The following CPEB3 variants were observed in gnomAD, a reference collection of about 807,000 sequenced individuals.
CPEB3 encodes cytoplasmic polyadenylation element binding protein 3, also known as cytoplasmic polyadenylation element-binding protein 3.
Under a neutral mutation model 67.2 loss-of-function variants are expected in CPEB3, and 20 were observed. The observed-to-expected ratio is 0.30, with a 90% CI of 0.21 to 0.43. The LOEUF is 0.43. Ranked by LOEUF, CPEB3 falls within the 20% of genes least tolerant of loss-of-function variation. The pLI is 1.00. For synonymous variants in CPEB3, 376 were observed against 393.1 expected (o/e 0.96, Z 0.51); for missense variants, 746 against 968.6 (o/e 0.77, Z 3.05).
chr10:92,090,278 C>T (rs145495418), intron 8 of CPEB3, among the ~76,000 whole-genome samples: 4 of 152,294 alleles, frequency 2.6e-5, no homozygotes, highest in East Asian at 3.9e-4. Context: ...TGGTGGCTCA[C>T]GCCTGTAATC....
chr10:92,254,022 A>G (rs1248169458), intron 1 of CPEB3, among the ~76,000 whole-genome samples: 1 of 152,168 alleles, frequency 6.6e-6, no homozygotes, highest in Non-Finnish European at 1.5e-5. Context: ...TGAGCCCAAG[A>G]GTTTGAGACC....
intron 6 of CPEB3, among the ~76,000 whole-genome samples, chr10:92,124,144 C>T (rs530842145): frequency 6.6e-6 from 1 of 152,182 alleles, no homozygotes. Flanking sequence ...CTGAACTAAA[C>T]AAGCATTTCC....
At chr10:92,268,104 G>T (rs147381763) in intron 1 of CPEB3, among the ~76,000 whole-genome samples, 1 of 152,006 alleles carries the variant, frequency 6.6e-6, no homozygotes, top group African/African-American at 2.4e-5. Context: ...GCCAGCCACC[G>T]CGACCGGCCG....
At chr10:92,193,871 A>G (rs1486249564) in intron 2 of CPEB3, among the ~76,000 whole-genome samples, 2 of 149,540 alleles carry the variant, frequency 1.3e-5, no homozygotes, top group South Asian at 2.1e-4. Context: ...ATCTTGGCTC[A>G]CTGCAAGCTC....
chr10:92,095,686 T>G (rs1342105902), intron 7 of CPEB3, among the ~76,000 whole-genome samples: 1 of 150,136 alleles, frequency 6.7e-6, no homozygotes, highest in Non-Finnish European at 1.5e-5. Context: ...ATAAGCTAAT[T>G]CAAATATTTT....
At chr10:92,205,588 T>G (rs1388103553) in intron 2 of CPEB3, among the ~76,000 whole-genome samples, 1 of 148,862 alleles carries the variant, frequency 6.7e-6, no homozygotes, top group South Asian at 2.2e-4. Flanking sequence ...GCAATTCTCC[T>G]GCCTCAGCCT....
intron 6 of CPEB3, among the ~76,000 whole-genome samples, chr10:92,134,129 C>G (rs1845975410): frequency 6.6e-6 from 1 of 152,208 alleles, no homozygotes; most frequent in Non-Finnish European, 1.5e-5. Context: ...CCCTCTCTCA[C>G]CACTCCTATT....
At chr10:92,209,217 G>C (rs1849947425) in intron 2 of CPEB3, among the ~76,000 whole-genome samples, 1 of 152,156 alleles carries the variant, frequency 6.6e-6, no homozygotes, top group Non-Finnish European at 1.5e-5. Flanking sequence ...AATTCTGACT[G>C]AACCGTCTTA....
intron 9 of CPEB3, among the ~76,000 whole-genome samples, chr10:92,073,685 C>A (rs1842839867): frequency 6.6e-6 from 1 of 151,476 alleles, no homozygotes; most frequent in Admixed American, 6.6e-5. Context: ...TGGCCTCAAG[C>A]TGAACTCCTG....
intron 7 of CPEB3, among the ~76,000 whole-genome samples, chr10:92,104,115 T>C (rs949795863): frequency 1.3e-5 from 2 of 152,002 alleles, no homozygotes; most frequent in Admixed American, 1.3e-4. Context: ...AACCTTAATA[T>C]ATCAATGTTT....
At chr10:92,130,809 T>C (rs189752252) in intron 6 of CPEB3, among the ~76,000 whole-genome samples, 22 of 152,338 alleles carry the variant, frequency 1.4e-4, no homozygotes, top group Admixed American at 5.9e-4. Context: ...TTTCACTATG[T>C]ATACACTATC....
chr10:92,186,743 C>A (rs1354230738), intron 3 of CPEB3, among the ~76,000 whole-genome samples: 1 of 152,052 alleles, frequency 6.6e-6, no homozygotes, highest in Admixed American at 6.6e-5. Context: ...CCGCTAAAAA[C>A]TCAGGTAATT....
intron 1 of CPEB3, among the ~76,000 whole-genome samples, chr10:92,283,753 G>GTC (rs1842406068): frequency 7.2e-6 from 1 of 138,098 alleles, no homozygotes; most frequent in South Asian, 2.3e-4. Flanking sequence ...TTGAGACAAG[G>GTC]TCTCACTCTG....
chr10:92,129,141 C>T (rs1220951539), intron 6 of CPEB3, among the ~76,000 whole-genome samples: 1 of 152,108 alleles, frequency 6.6e-6, no homozygotes, highest in Non-Finnish European at 1.5e-5. Context: ...ACATATATAC[C>T]ATGGAATAGT....
At chr10:92,218,494 A>G (rs1004528044) in intron 2 of CPEB3, among the ~76,000 whole-genome samples, 2 of 152,222 alleles carry the variant, frequency 1.3e-5, no homozygotes, top group Non-Finnish European at 2.9e-5. Context: ...TTGCCATTAC[A>G]TGGCCAATTG....
chr10:92,098,323 T>C (rs987472062), intron 7 of CPEB3, among the ~76,000 whole-genome samples: 1 of 152,142 alleles, frequency 6.6e-6, no homozygotes, highest in Admixed American at 6.6e-5. Context: ...TTACTCTTTT[T>C]TTGAGACGGA....
chr10:92,179,366 T>A (rs1239155616), intron 4 of CPEB3, among the ~76,000 whole-genome samples: 1 of 152,150 alleles, frequency 6.6e-6, no homozygotes, highest in Non-Finnish European at 1.5e-5. Context: ...ACAAACTATA[T>A]CCTCTCCCTC....
intron 6 of CPEB3, among the ~76,000 whole-genome samples, chr10:92,129,154 G>A (rs566048634): frequency 3.3e-5 from 5 of 152,298 alleles, no homozygotes; most frequent in South Asian, 4.1e-4. Context: ...GGAATAGTAC[G>A]CAATCATTAA....
chr10:92,248,337 T>C (rs1852154961), intron 1 of CPEB3, among the ~76,000 whole-genome samples: 1 of 152,226 alleles, frequency 6.6e-6, no homozygotes, highest in Admixed American at 6.5e-5. Context: ...TTCACTTTTT[T>C]TTCCAAATAT....
Sources: allele counts gnomAD v4.1 joint callset (sites outside exome capture counted in the v4.1 genomes callset), GRCh38; gene constraint gnomAD v4.1.1; transcripts MANE v1.5; gene names NCBI Gene and HGNC (gene_info 2026-07-23, HGNC 2026-07-21).